The following TMCC1 variants were observed in gnomAD, a reference collection of about 807,000 sequenced individuals.
TMCC1 encodes transmembrane and coiled-coil domain family 1.
In TMCC1, 15 loss-of-function variants were observed where a neutral mutation model predicts 52.4. The observed-to-expected ratio is 0.29, with a 90% CI of 0.19 to 0.44. TMCC1 has a LOEUF of 0.44. TMCC1 is among the 20% of genes least tolerant of loss of function. TMCC1 has a pLI of 1.00. For missense variants in TMCC1, 503 were observed against 806.0 expected (o/e 0.62, Z 4.55); for synonymous variants, 279 against 301.9 (o/e 0.92, Z 0.79).
chr3:129,802,517 G>C (rs1444843772), intron 4 of TMCC1, among the ~76,000 whole-genome samples: 4 of 152,196 alleles, frequency 2.6e-5, no homozygotes, highest in African/African-American at 9.6e-5. Context: ...TGAGGCAGGA[G>C]GATCGCTTGA....
chr3:129,796,070 A>G (rs2056801101), intron 4 of TMCC1, among the ~76,000 whole-genome samples: 1 of 152,236 alleles, frequency 6.6e-6, no homozygotes. Flanking sequence ...AACCCACATG[A>G]CATTTCAGTT....
chr3:129,738,853 C>T (rs146201692), intron 4 of TMCC1, among the ~76,000 whole-genome samples: 2 of 152,318 alleles, frequency 1.3e-5, no homozygotes, highest in African/African-American at 4.8e-5. Context: ...GGGTCTCACT[C>T]TGTCACCCAG....
At chr3:129,853,923 C>T (rs2060028778) in intron 2 of TMCC1, among the ~76,000 whole-genome samples, 2 of 152,150 alleles carry the variant, frequency 1.3e-5, no homozygotes, top group Non-Finnish European at 1.5e-5. Flanking sequence ...TCAAGTTCTG[C>T]TGACTATATC....
chr3:129,725,457 T>G (rs2049999464), intron 4 of TMCC1, among the ~76,000 whole-genome samples: 1 of 152,068 alleles, frequency 6.6e-6, no homozygotes, highest in African/African-American at 2.4e-5. Flanking sequence ...AGAATTTTAC[T>G]TCAATAAAAA....
chr3:129,699,022 A>G (rs1043041507), intron 4 of TMCC1, among the ~76,000 whole-genome samples: 1 of 152,096 alleles, frequency 6.6e-6, no homozygotes, highest in African/African-American at 2.4e-5. Context: ...TGTAGCAGGG[A>G]TATTTTATTT....
At chr3:129,768,642 C>T (rs999928340) in intron 4 of TMCC1, among the ~76,000 whole-genome samples, 1 of 152,000 alleles carries the variant, frequency 6.6e-6, no homozygotes, top group Non-Finnish European at 1.5e-5. Flanking sequence ...CACATAGTCC[C>T]GAATGAAATA....
chr3:129,684,939 G>C lies in TMCC1; in HGVS notation c.577-13675C>G, dbSNP rs79528850. Reference sequence around the variant, plus strand: ...TCTTTATGTAAAACACTGAATAAAGGTGGAATCCCTGCTCTCAAGGAACAC... The same window carrying C: ...TCTTTATGTAAAACACTGAATAAAGCTGGAATCCCTGCTCTCAAGGAACAC... On this transcript the variant is annotated intron_variant, in intron 4 of 6. Coordinates refer to ENST00000393238, the MANE Select transcript of TMCC1 (RefSeq NM_001017395.5). Among the ~76,000 whole-genome samples, 1,259 of 152,276 alleles carry C rather than the reference G, an allele frequency of 8.3e-3. 10 individuals carry two copies. The highest frequency in any genetic ancestry group is 0.014 in the Non-Finnish European group (920 of 68,010).
chr3:129,710,712 G>A (rs2108995399), intron 4 of TMCC1, among the ~76,000 whole-genome samples: 1 of 152,248 alleles, frequency 6.6e-6, no homozygotes, highest in South Asian at 2.1e-4. Flanking sequence ...GCTTTACAGA[G>A]GCAGCAATTA....
At chr3:129,839,523 GGCA>G (rs1302838728) in intron 2 of TMCC1, among the ~76,000 whole-genome samples, 2 of 152,226 alleles carry the variant, frequency 1.3e-5, no homozygotes, top group African/African-American at 4.8e-5. Context: ...AGGAGGCTGA[GGCA>G]GCAGAATTAT....
chr3:129,676,730 T>C (rs1445677635), intron 4 of TMCC1, among the ~76,000 whole-genome samples: 1 of 152,196 alleles, frequency 6.6e-6, no homozygotes, highest in Non-Finnish European at 1.5e-5. Flanking sequence ...AACCTAGCTT[T>C]ATCACCTTAC....
chr3:129,796,585 T>C (rs1245846345), intron 4 of TMCC1, among the ~76,000 whole-genome samples: 1 of 152,086 alleles, frequency 6.6e-6, no homozygotes, highest in East Asian at 1.9e-4. Context: ...TTTGGGAGGC[T>C]AAGACAGGAG....
intron 5 of TMCC1, among the ~76,000 whole-genome samples, chr3:129,664,019 G>A (rs116516989): frequency 1.4e-4 from 21 of 152,298 alleles, no homozygotes; most frequent in Non-Finnish European, 2.5e-4. Flanking sequence ...AGGAATAAGG[G>A]TTAATTAATT....
chr3:129,888,981 C>A (rs1310148049), intron 1 of TMCC1, among the ~76,000 whole-genome samples: 1 of 152,092 alleles, frequency 6.6e-6, no homozygotes, highest in African/African-American at 2.4e-5. Flanking sequence ...TATAAAAATA[C>A]CTGACCACGG....
At chr3:129,685,094 G>C (rs2089302966) in intron 4 of TMCC1, among the ~76,000 whole-genome samples, 1 of 152,034 alleles carries the variant, frequency 6.6e-6, no homozygotes, top group African/African-American at 2.4e-5. Flanking sequence ...AGGGAAAGGG[G>C]CTAGCTGGGT....
At chr3:129,801,897 G>A (rs1355820999) in intron 4 of TMCC1, among the ~76,000 whole-genome samples, 15 of 152,170 alleles carry the variant, frequency 9.9e-5, no homozygotes, top group Admixed American at 7.8e-4. Flanking sequence ...AATTGATCAT[G>A]TACAGTGACA....
intron 1 of TMCC1, among the ~76,000 whole-genome samples, chr3:129,891,168 T>C (rs2061949004): frequency 6.6e-6 from 1 of 152,188 alleles, no homozygotes; most frequent in Non-Finnish European, 1.5e-5. Context: ...TGAGGCCTCC[T>C]CTCACTAAGT....
At chr3:129,747,494 A>C (rs2052083241) in intron 4 of TMCC1, among the ~76,000 whole-genome samples, 1 of 152,216 alleles carries the variant, frequency 6.6e-6, no homozygotes, top group African/African-American at 2.4e-5. Context: ...AAATTGAAAC[A>C]ACCACAATAT....
At chr3:129,709,946 G>A (rs569505175) in intron 4 of TMCC1, among the ~76,000 whole-genome samples, 1 of 152,054 alleles carries the variant, frequency 6.6e-6, no homozygotes, top group Admixed American at 6.6e-5. Flanking sequence ...CAGCACTTTG[G>A]GGGGCTGAGG....
chr3:129,879,815 AGT>A (rs2061381758), intron 2 of TMCC1, among the ~76,000 whole-genome samples: 1 of 152,182 alleles, frequency 6.6e-6, no homozygotes, highest in South Asian at 2.1e-4. Flanking sequence ...TAAACCATCC[AGT>A]GTCTATGCAG....
Sources: gnomAD v4.1 joint callset for allele counts (sites outside exome capture counted in the v4.1 genomes callset) on GRCh38, gnomAD v4.1.1 for gene constraint, MANE v1.5 for transcripts, NCBI Gene and HGNC (gene_info 2026-07-23, HGNC 2026-07-21) for gene names.